Variants in ZNF836 observed in about 807,000 individuals in gnomAD.
The protein encoded by ZNF836 is zinc finger protein 836.
ZNF836 carries 12 observed loss-of-function variants against 7.4 expected under a neutral mutation model. The observed-to-expected ratio is 1.61, with a 90% confidence interval of 1.03 to 2.61. The LOEUF is 2.61. ZNF836 is among the 30% of genes most tolerant of loss of function. The probability of loss-of-function intolerance (pLI) is 0.00; values close to 1 mark genes in which losing one functional copy is unlikely to be tolerated. For synonymous variants in ZNF836, 365 were observed against 382.6 expected, an observed-to-expected ratio of 0.95 and a Z score of 0.54; for missense variants, 998 against 1,126.2, an observed-to-expected ratio of 0.89 and a Z score of 1.63.
rs2089144502 is a variant in ZNF836, at chr19:52,155,447, C to T, written c.2236G>A (p.Gly746Arg). 3 of 1,614,078 alleles carry T rather than the reference C, an allele frequency of 1.9e-6. No individual in the cohort carries two copies. The East Asian group carries it at 6.7e-5, about 36-fold the overall frequency. The change falls in exon 5 of 5, where the codon GGA becomes AGA. Residue 746 changes from glycine (G) to arginine (R), a missense_variant. Physicochemically the swap from Gly to Arg is moderately radical, Grantham distance 125. Transcript: ENST00000682614. ...TCAATACATTTGTATGGCATCTCTCCAGTATGCCTTCTCTGATGGTACGTC... is the reference window on the plus strand; with the variant it reads ...TCAATACATTTGTATGGCATCTCTCTAGTATGCCTTCTCTGATGGTACGTC... ...GLTYHQRRHT[G>R]EMPYKCIECG...
chr19:52,168,277 G>A (rs1317163375), intron 2 of ZNF836, 125 bp from the exon 3 acceptor site: 2 of 582,542 alleles, frequency 3.4e-6, no homozygotes, highest in Non-Finnish European at 5.9e-6. Flanking sequence ...GGGATGCAAG[G>A]ATAATAAATT....
intron 2 of ZNF836, among the ~76,000 whole-genome samples, 197 bp from the exon 3 acceptor site, chr19:52,168,349 A>C (rs895213712): frequency 2.6e-5 from 4 of 152,188 alleles, no homozygotes; most frequent in Admixed American, 6.5e-5. Context: ...GCACCTTAGG[A>C]GGCAGAGGCG....
chr19:52,160,058 C>T (rs1288677080), intron 4 of ZNF836, among the ~76,000 whole-genome samples: 1 of 151,788 alleles, frequency 6.6e-6, no homozygotes. Flanking sequence ...TGGTGTGAGC[C>T]TGTAGTCCCA....
At chr19:52,158,295 A>G (rs2122211769) in intron 4 of ZNF836, among the ~76,000 whole-genome samples, 1 of 152,310 alleles carries the variant, frequency 6.6e-6, no homozygotes, top group East Asian at 1.9e-4. Flanking sequence ...ACAGCTAAAT[A>G]TCAACAAGTT....
At chr19:52,165,275 G>A (rs372872208) in intron 3 of ZNF836, 1 of 152,170 alleles carries the variant, frequency 6.6e-6, no homozygotes, top group African/African-American at 2.4e-5. Context: ...TGCCCAACCT[G>A]GAGGAAACTT....
chr19:52,165,167 T>A lies in ZNF836; in HGVS notation c.15+2891A>T, dbSNP rs546732369. On this transcript the variant is annotated intron_variant, in intron 3 of 4. Coordinates refer to ENST00000682614, the MANE Select transcript of ZNF836 (RefSeq NM_001102657.3). ...AAGAAACATAGTATTTTATGATCACTCTGTGAGCCAGGCCTTCCAGAAAAA... is the reference window on the plus strand; with the variant it reads ...AAGAAACATAGTATTTTATGATCACACTGTGAGCCAGGCCTTCCAGAAAAA... 4.6e-5 allele frequency: 7 copies of A among 152,308 alleles called. No homozygotes were observed. The East Asian group carries it at 7.7e-4, about 17-fold the overall frequency. The allele number at this position is 152,308 out of a possible 1,614,324, so 9.4% of individuals were successfully genotyped here.
Position 52,156,461 on chromosome 19 carries a change from G to A in ZNF836, c.1222C>T (p.His408Tyr). Residue 408 changes from histidine (H) to tyrosine (Y), a missense_variant, in exon 5 of 5, where the codon CAT becomes TAT. By Grantham distance (83) the His-to-Tyr change is moderately conservative. Coordinates refer to ENST00000682614, the MANE Select transcript of ZNF836 (RefSeq NM_001102657.3). ...SSNLATHQTV[H>Y]SGNKPYKCDE... The stretch of plus-strand genomic sequence containing the variant: ...CATTTGTAAGGTTTGTTTCCACTAT[G>A]AACTGTCTGATGAGTTGCCAGGTTG... The A allele has an allele frequency of 2.5e-6, 4 of 1,614,160 alleles. No individual in the cohort carries two copies. Among genetic ancestry groups the A allele is most frequent in the Non-Finnish European group, 3.4e-6 (4 of 1,180,032 alleles).
At chr19:52,162,761 T>C (rs942742709) in intron 3 of ZNF836, among the ~76,000 whole-genome samples, 11 of 152,142 alleles carry the variant, frequency 7.2e-5, no homozygotes, top group Non-Finnish European at 1.6e-4. Flanking sequence ...GATTTCCCAG[T>C]AGATAACTTC....
rs1412251192 is a variant in ZNF836, at chr19:52,162,726, T to C, written c.16-2135A>G. On this transcript the variant is annotated intron_variant, in intron 3 of 4. Coordinates refer to ENST00000682614, the MANE Select transcript of ZNF836 (RefSeq NM_001102657.3). ...TTGGATCACAGCAGGCTTGCAAGAC[T>C]GCATCCTTCCAACAATAAGCTCTAG... 2.6e-5 allele frequency among the ~76,000 whole-genome samples: 4 copies of C among 152,184 alleles called. No homozygotes were observed. In the East Asian group the frequency reaches 7.7e-4, roughly 29 times the overall value.
At position 52,156,410 on chromosome 19, in the gene ZNF836, G is replaced by A. The variant is rs112435970; in HGVS notation, c.1273C>T (p.Arg425Trp). The change falls in exon 5 of 5, where the codon CGG becomes TGG. Residue 425 changes from arginine (R) to tryptophan (W), a missense_variant. By Grantham distance (101) the Arg-to-Trp change is moderately radical. Coordinates refer to ENST00000682614, the MANE Select transcript of ZNF836 (RefSeq NM_001102657.3). ...KCDECGKTFK[R>W]SSSLTTHQII... Reference sequence around the variant, plus strand: ...TGATGTGTAGTGAGGCTGGAGCTCCGTTTAAAGGTTTTGCCACACTCATCA... The same window carrying A: ...TGATGTGTAGTGAGGCTGGAGCTCCATTTAAAGGTTTTGCCACACTCATCA... The A allele has an allele frequency of 4.3e-6, 7 of 1,614,092 alleles. No homozygotes were observed. The Admixed American group carries it at 5.0e-5, about 12-fold the overall frequency.
In ZNF836 at chr19:52,171,444, G is replaced by A. The variant is rs1048288177; in HGVS notation, c.-323C>T. On this transcript the variant is annotated 5_prime_UTR_variant, in exon 1 of 5. Transcript: ENST00000682614. ...TGCACGTTCGATTCAGGCAGACGGG[G>A]CGAAGCAAATGTTTAGTCCAGGTAG... is the stretch of plus-strand genomic sequence containing the variant. The A allele has an allele frequency of 6.6e-6, 1 of 152,298 alleles. No homozygotes were observed. Among genetic ancestry groups the A allele is most frequent in the Non-Finnish European group, 1.5e-5 (1 of 68,092 alleles). The allele number at this position is 152,298 out of a possible 1,614,324, so 9.4% of individuals were successfully genotyped here. A position where few individuals can be genotyped will look rare whatever the true frequency, so the allele number is the denominator to read the frequency against.
intron 3 of ZNF836, among the ~76,000 whole-genome samples, chr19:52,164,841 A>G (rs115168271): frequency 0.01 from 1,534 of 152,336 alleles, 27 homozygotes; most frequent in African/African-American, 0.035. Flanking sequence ...TAATCCCAGC[A>G]CTTCTGGAGG....
chr19:52,167,843 G>A (rs972718925), intron 3 of ZNF836, among the ~76,000 whole-genome samples: 3 of 152,130 alleles, frequency 2.0e-5, no homozygotes, highest in Non-Finnish European at 4.4e-5. Context: ...GTCTCTCCCA[G>A]GACCATGCCC....
Position 52,156,147 on chromosome 19 carries a change from T to C in ZNF836, c.1536A>G (p.Leu512=). 6.2e-7 allele frequency: 1 copy of C among 1,614,106 alleles called. No homozygotes were observed. ...TATGAATTATCTTATGTCGAGTGAG[T>C]AATGAGCCCTGTTTAAAGGCTTTAC... ...KCGKAFKQGS[L]LTRHKIIHTR... is the part of the protein sequence containing the mutation. Residue 512 remains leucine, a synonymous_variant, in exon 5 of 5, where the codon TTA becomes TTG. Transcript: ENST00000682614.
At chr19:52,160,186 TA>T (rs35190507) in intron 4 of ZNF836, 94,564 of 366,772 alleles carry the variant, frequency 0.26, 3,907 homozygotes, top group African/African-American at 0.4. Flanking sequence ...CTGTCTCCAT[TA>T]AAAAAAAAAA....
chr19:52,171,274 G>A (rs1178869709), intron 1 of ZNF836, 62 bp downstream of exon 1: 1 of 152,412 alleles, frequency 6.6e-6, no homozygotes, highest in East Asian at 1.9e-4. Context: ...CAGAAAGGCA[G>A]GGAGCAAGGA....
chr19:52,162,945 T>C (rs904834909), intron 3 of ZNF836, among the ~76,000 whole-genome samples: 1 of 152,156 alleles, frequency 6.6e-6, no homozygotes, highest in Non-Finnish European at 1.5e-5. Flanking sequence ...CTCCCAACAG[T>C]GTGTGCCCTC....
Position 52,155,269 on chromosome 19 carries a change from G to A in ZNF836, c.2414C>T (p.Pro805Leu), listed in dbSNP as rs1202040509. 15 of 1,613,778 alleles carry A rather than the reference G, an allele frequency of 9.3e-6. No homozygotes were observed. Among genetic ancestry groups the A allele is most frequent in the Non-Finnish European group, 3.4e-6 (4 of 1,179,836 alleles). The change falls in exon 5 of 5, where the codon CCT (proline) becomes CTT (leucine). Residue 805 changes from proline to leucine, a missense_variant. Physicochemically the swap from Pro to Leu is moderately conservative, Grantham distance 98 (BLOSUM62 -3). Transcript: ENST00000682614. ...RHRSIHTGEKPYVCNECGKAF... is the reference protein window; with the variant it reads ...RHRSIHTGEKLYVCNECGKAF... ...TTTGCCACACTCATTACACACGTAA[G>A]GTTTCTCTCCAGTATGAATACTCCG...
intron 4 of ZNF836, 119 bp from the exon 5 acceptor site, chr19:52,157,659 C>T: frequency 1.0e-6 from 1 of 958,606 alleles, no homozygotes; most frequent in Non-Finnish European, 1.4e-6. Flanking sequence ...TGACCTCCAC[C>T]TCCTGGGTTC....
Sources: allele counts gnomAD v4.1 joint callset (sites outside exome capture counted in the v4.1 genomes callset), GRCh38; gene constraint gnomAD v4.1.1; transcripts MANE v1.5; gene names NCBI Gene and HGNC (gene_info 2026-07-23, HGNC 2026-07-21).